The following AKT2 variants were observed in gnomAD, a reference collection of about 807,000 sequenced individuals.
The protein encoded by AKT2 is AKT serine/threonine kinase 2.
A neutral mutation model predicts 58.6 loss-of-function variants in AKT2; 16 were observed. That is an observed-to-expected ratio of 0.27 (90% confidence interval 0.18 to 0.41). AKT2 has a LOEUF of 0.41. AKT2 is among the 10% of genes least tolerant of loss of function. The pLI, the probability that AKT2 is intolerant of heterozygous loss-of-function variation, is 1.00. For synonymous variants in AKT2, 253 were observed against 254.0 expected, an observed-to-expected ratio of 1.00 and a Z score of 0.04; for missense variants, 438 against 661.0, an observed-to-expected ratio of 0.66 and a Z score of 3.70.
Position 40,249,240 on chromosome 19 carries a change from C to T in AKT2, c.287+5918G>A, listed in dbSNP as rs1015850759. 2.6e-5 allele frequency among the ~76,000 whole-genome samples: 4 copies of T among 152,268 alleles called. No individual in the cohort carries two copies. The South Asian group carries it at 8.3e-4, about 32-fold the overall frequency. On this transcript the variant is annotated intron_variant, in intron 4 of 13. Coordinates refer to ENST00000392038, the MANE Select transcript of AKT2 (RefSeq NM_001626.6). ...TTTAAGTCAGTAGCTGCTGTGTGGG[C>T]TACGGACTGGGGGCAGTGAGAGGAG...
intron 2 of AKT2, 49 bp from the exon 3 acceptor site, chr19:40,257,103 G>C (rs892212206): frequency 1.2e-6 from 2 of 1,608,786 alleles, no homozygotes; most frequent in African/African-American, 2.7e-5. Flanking sequence ...AAGGTTGAGT[G>C]ATGTCCCAGG....
At chr19:40,266,682 T>A (rs993464452) in intron 1 of AKT2, among the ~76,000 whole-genome samples, 1 of 152,152 alleles carries the variant, frequency 6.6e-6, no homozygotes, top group African/African-American at 2.4e-5. Context: ...CAATGGCTCA[T>A]GTCTGTAATC....
Position 40,235,439 on chromosome 19 carries a change from C to G in AKT2, c.1176-89G>C. The G allele has an allele frequency of 1.8e-6, 2 of 1,141,570 alleles. No homozygotes were observed. Among genetic ancestry groups the G allele is most frequent in the Non-Finnish European group, 2.6e-6 (2 of 766,534 alleles). 70.7% of individuals were successfully genotyped at this position (1,141,570 alleles called of 1,614,324 possible). A position where few individuals can be genotyped will look rare whatever the true frequency, so the allele number is the denominator to read the frequency against. On this transcript the variant is annotated intron_variant, in intron 11 of 13. Coordinates refer to ENST00000392038, the MANE Select transcript of AKT2 (RefSeq NM_001626.6). The surrounding 1 kb of genome is among the most constrained non-coding windows in gnomAD (Gnocchi z 6.3). ...CGGAGCAGGCAGGCCCTGTATGGCC[C>G]TTAATGATTCTGTCTTGACCACAAA...
rs564411806 is a variant in AKT2 at position 40,237,425 on chromosome 19, T to A, written c.831+544A>T. 1 of 157,004 alleles carries A rather than the reference T, an allele frequency of 6.4e-6. No individual in the cohort carries two copies. 9.7% of individuals were successfully genotyped at this position (157,004 alleles called of 1,614,324 possible). A position where few individuals can be genotyped will look rare whatever the true frequency, so the allele number is the denominator to read the frequency against. ...ACTTTGGGAGGCTGAGGTGGGTGGA[T>A]CACAAGGTCAGGAGTTTGAGACCAG... On this transcript the variant is annotated intron_variant, in intron 9 of 13. Transcript: ENST00000392038. This position sits in a 1 kb window ranked among gnomAD's most constrained non-coding sequence, Gnocchi z 4.5.
chr19:40,276,713 T>C (rs1223883380), intron 1 of AKT2, among the ~76,000 whole-genome samples: 1 of 152,018 alleles, frequency 6.6e-6, no homozygotes, highest in Non-Finnish European at 1.5e-5. Context: ...GTTTATGTTA[T>C]CTCAAAAGAT....
intron 4 of AKT2, among the ~76,000 whole-genome samples, chr19:40,253,704 G>A (rs759823173): frequency 2.0e-5 from 3 of 152,072 alleles, no homozygotes; most frequent in Non-Finnish European, 2.9e-5. Context: ...CTAAGCACTC[G>A]TCACACAGGT....
chr19:40,247,545 C>G (rs1358725367), intron 4 of AKT2, among the ~76,000 whole-genome samples: 1 of 152,202 alleles, frequency 6.6e-6, no homozygotes, highest in Non-Finnish European at 1.5e-5. Context: ...GAGGGTAAAG[C>G]AGGGACCCTC....
rs866040450 is a variant in AKT2, at chr19:40,275,139, C to T, written c.-84-9788G>A. The T allele has an allele frequency of 4.6e-5, 21 of 456,784 alleles. 1 individual carries two copies. In the Middle Eastern group the frequency reaches 5.5e-3, roughly 120 times the overall value. 28.3% of individuals were successfully genotyped at this position (456,784 alleles called of 1,614,324 possible). A position where few individuals can be genotyped will look rare whatever the true frequency, so the allele number is the denominator to read the frequency against. On this transcript the variant is annotated intron_variant, in intron 1 of 13. Coordinates refer to ENST00000392038, the MANE Select transcript of AKT2 (RefSeq NM_001626.6). ...ACAGCAGGGACACAGCCAAGGAGCC[C>T]GGACCCCTCTCCTCCGAGCCCTGAG...
At chr19:40,276,303 T>C (rs2077321428) in intron 1 of AKT2, among the ~76,000 whole-genome samples, 1 of 142,658 alleles carries the variant, frequency 7.0e-6, no homozygotes, top group South Asian at 2.3e-4. Context: ...GCTACACAGG[T>C]CACTTCTCTG....
chr19:40,247,812 G>A (rs746181741), intron 4 of AKT2, among the ~76,000 whole-genome samples: 10 of 152,152 alleles, frequency 6.6e-5, no homozygotes, highest in Non-Finnish European at 1.5e-4. Flanking sequence ...TGACAAGACC[G>A]AAGCACAGAG....
chr19:40,275,595 A>C, intron 1 of AKT2: 1 of 299,996 alleles, frequency 3.3e-6, no homozygotes, highest in South Asian at 3.0e-5. Context: ...TAGCCCACAG[A>C]CCTTTCCATA....
rs916148962 is a variant in AKT2 at position 40,253,859 on chromosome 19, CA to C, written c.287+1298del. On this transcript the variant is annotated intron_variant, in intron 4 of 13. Coordinates refer to ENST00000392038, the MANE Select transcript of AKT2 (RefSeq NM_001626.6). ...CTTGGGACACGCATGTCCAACTGTC[CA>C]AAAAAAAAAGCAAAACATGAAACAA... 4.1e-4 allele frequency among the ~76,000 whole-genome samples: 58 copies of C among 140,796 alleles called. 2 individuals carry two copies. In the South Asian group the frequency reaches 6.8e-3, roughly 17 times the overall value. 92.4% of individuals were successfully genotyped at this position (140,796 alleles called of 152,430 possible).
At chr19:40,257,857 C>A (rs1479829720) in intron 2 of AKT2, among the ~76,000 whole-genome samples, 1 of 152,034 alleles carries the variant, frequency 6.6e-6, no homozygotes, top group African/African-American at 2.4e-5. Context: ...GTGGAGGGAC[C>A]GTAACTTATG....
intron 4 of AKT2, among the ~76,000 whole-genome samples, chr19:40,247,483 AC>A (rs1282368632): frequency 1.3e-5 from 2 of 151,546 alleles, no homozygotes; most frequent in Admixed American, 1.3e-4. Context: ...CCTTAGCACC[AC>A]CCGCCTGTCC....
intron 4 of AKT2, among the ~76,000 whole-genome samples, chr19:40,244,588 A>AC (rs1163312050): frequency 2.0e-5 from 3 of 152,102 alleles, no homozygotes; most frequent in South Asian, 4.1e-4. Context: ...CGCATTTTGA[A>AC]CCCCCCGTGT....
At chr19:40,284,880 C>T (rs1050392942) in intron 1 of AKT2, 28 of 258,244 alleles carry the variant, frequency 1.1e-4, no homozygotes, top group Non-Finnish European at 2.0e-4. Context: ...CTCGATCTGC[C>T]CGCCGCGCCC....
intron 2 of AKT2, among the ~76,000 whole-genome samples, chr19:40,260,628 CAAAAAAAAAAAAAAAAA>C (rs34124347): frequency 6.4e-4 from 16 of 25,002 alleles, no homozygotes; most frequent in East Asian, 2.5e-3. Flanking sequence ...GATTCCATCT[CAAAAAAAAAAAAAAAAA>C]AAAAAAAAAA....
chr19:40,239,762 A>G (rs1017785685), intron 7 of AKT2: 10 of 636,158 alleles, frequency 1.6e-5, no homozygotes, highest in Non-Finnish European at 2.6e-5. Flanking sequence ...AGTGCTCCTA[A>G]CTCATAGAGA....
intron 1 of AKT2, among the ~76,000 whole-genome samples, chr19:40,272,784 T>C (rs2145403582): frequency 1.4e-5 from 2 of 147,078 alleles, no homozygotes; most frequent in Admixed American, 1.3e-4. Flanking sequence ...TACGCCACAC[T>C]AAGAGGCAGG....
Sources: allele counts gnomAD v4.1 joint callset (sites outside exome capture counted in the v4.1 genomes callset), GRCh38; gene constraint gnomAD v4.1.1; non-coding constraint Gnocchi (gnomAD v3.1); transcripts MANE v1.5; gene names NCBI Gene and HGNC (gene_info 2026-07-23, HGNC 2026-07-21).